The following FSCN1 variants were observed in gnomAD, a reference collection of about 807,000 sequenced individuals.
FSCN1 encodes fascin.
A neutral mutation model predicts 39.7 loss-of-function variants in FSCN1; 10 were observed. That is an observed-to-expected ratio of 0.25 (90% CI 0.16 to 0.43). The LOEUF is 0.43. Ranked by LOEUF, FSCN1 falls within the 20% of genes least tolerant of loss-of-function variation. The pLI, the probability that FSCN1 is intolerant of heterozygous loss-of-function variation, is 1.00. For missense variants in FSCN1, 525 were observed against 723.8 expected, an observed-to-expected ratio of 0.73 and a Z score of 3.15; for synonymous variants, 322 against 320.0, an observed-to-expected ratio of 1.01 and a Z score of -0.07.
chr7:5,604,170 C>T, intron 4 of FSCN1, 140 bp downstream of exon 4: 1 of 728,776 alleles, frequency 1.4e-6, no homozygotes, highest in South Asian at 1.9e-5. Flanking sequence ...GGACAGGTGT[C>T]TGATGGCCAC....
intron 1 of FSCN1, among the ~76,000 whole-genome samples, chr7:5,598,301 C>G (rs902202110): frequency 3.9e-5 from 6 of 152,232 alleles, no homozygotes; most frequent in African/African-American, 1.4e-4. Context: ...ACGCAACAGG[C>G]TGATGGGGAC....
intron 1 of FSCN1, among the ~76,000 whole-genome samples, chr7:5,600,900 T>C (rs1273501670): frequency 1.3e-5 from 2 of 150,972 alleles, no homozygotes; most frequent in Non-Finnish European, 1.5e-5. Flanking sequence ...GTGATCCGCC[T>C]GCCTCGGCCT....
At chr7:5,594,708 C>T (rs1405144513) in intron 1 of FSCN1, 1 of 152,104 alleles carries the variant, frequency 6.6e-6, no homozygotes, top group Non-Finnish European at 1.5e-5. Context: ...CTTCGCCCGC[C>T]GCGCGCGTCT....
intron 1 of FSCN1, among the ~76,000 whole-genome samples, chr7:5,598,374 CCTTT>C (rs1189561776): frequency 6.6e-6 from 1 of 152,198 alleles, no homozygotes; most frequent in Non-Finnish European, 1.5e-5. Context: ...TGGGAAGCTC[CCTTT>C]CTTCTCTGGC....
chr7:5,592,876 G>A lies in FSCN1; in HGVS notation c.-61G>A, dbSNP rs1785657577. ...AGCCGAACAAAGGAGCAGGGGCGCC[G>A]CCGCAGGGACCCGCCACCCACCTCC... On this transcript the variant is annotated 5_prime_UTR_variant, in exon 1 of 5. Transcript: ENST00000382361. This position sits in a 1 kb window ranked among gnomAD's most constrained non-coding sequence, Gnocchi z 5.3. 8.4e-6 allele frequency: 9 copies of A among 1,071,692 alleles called. No individual in the cohort carries two copies. The highest frequency in any genetic ancestry group is 1.7e-5 in the South Asian group (1 of 59,946). 66.4% of individuals were successfully genotyped at this position (1,071,692 alleles called of 1,614,324 possible). A position where few individuals can be genotyped will look rare whatever the true frequency, so the allele number is the denominator to read the frequency against.
At position 5,603,806 on chromosome 7, in the gene FSCN1, C is replaced by A. The variant is rs1785878476; in HGVS notation, c.1112-57C>A. The A allele has an allele frequency of 6.4e-7, 1 of 1,563,276 alleles. No individual in the cohort carries two copies. Among genetic ancestry groups the A allele is most frequent in the Non-Finnish European group, 8.8e-7 (1 of 1,142,510 alleles). ...CCTGGCCCTCCCTCTCTGGTCACCC[C>A]AGCCTCCACCCCACTCCCTGCCAGG... On this transcript the variant is annotated intron_variant, in intron 3 of 4. Transcript: ENST00000382361. This position sits in a 1 kb window ranked among gnomAD's most constrained non-coding sequence, Gnocchi z 8.5.
chr7:5,593,906 A>C (rs1785679872), intron 1 of FSCN1, 138 bp downstream of exon 1: 1 of 632,718 alleles, frequency 1.6e-6, no homozygotes, highest in Non-Finnish European at 2.6e-6. Flanking sequence ...CCCGCTAGGC[A>C]CGCGGGCTAC....
In FSCN1 at chr7:5,605,473, A is replaced by G; in HGVS notation, c.1481A>G (p.Ter494TrpextTer99). ...GACCCCGCCTCGCTCTGGGAGTACT[A>G]GGGCCGGCCCGTCCTTCCCCGCCCC... ...TVDPASLWEY[*>W] The change falls in exon 5 of 5, where the codon TAG becomes TGG. Residue 494 changes from the stop codon to tryptophan, a stop_lost. Transcript: ENST00000382361. This position sits in a 1 kb window ranked among gnomAD's most constrained non-coding sequence, Gnocchi z 6.9. 1 of 1,559,578 alleles carries G rather than the reference A, an allele frequency of 6.4e-7. No homozygotes were observed. The highest frequency in any genetic ancestry group is 1.9e-5 in the Admixed American group (1 of 52,572).
rs1287182245 is a variant in FSCN1 at position 5,599,834 on chromosome 7, T to A, written c.833-3423T>A. On this transcript the variant is annotated intron_variant, in intron 1 of 4. Coordinates refer to ENST00000382361, the MANE Select transcript of FSCN1 (RefSeq NM_003088.4). This position sits in a 1 kb window ranked among gnomAD's most constrained non-coding sequence, Gnocchi z 5.6. ...AAAAAAAAATGGAATTGAGGATGTGTCCTCTGGGTGTGGGCTCTACCACCC... is the reference window on the plus strand; with the variant it reads ...AAAAAAAAATGGAATTGAGGATGTGACCTCTGGGTGTGGGCTCTACCACCC... 6.6e-6 allele frequency among the ~76,000 whole-genome samples: 1 copy of A among 151,762 alleles called. No homozygotes were observed. Among genetic ancestry groups the A allele is most frequent in the Non-Finnish European group, 1.5e-5 (1 of 67,920 alleles).
In FSCN1 at chr7:5,592,851, A is replaced by C. The variant is rs1158177919; in HGVS notation, c.-86A>C. Reference sequence around the variant, plus strand: ...GCGGAGGGTGCGTGCGGGCCGCGGCAGCCGAACAAAGGAGCAGGGGCGCCG... The same window carrying C: ...GCGGAGGGTGCGTGCGGGCCGCGGCCGCCGAACAAAGGAGCAGGGGCGCCG... On this transcript the variant is annotated 5_prime_UTR_variant, in exon 1 of 5. Transcript: ENST00000382361. This position sits in a 1 kb window ranked among gnomAD's most constrained non-coding sequence, Gnocchi z 5.3. The C allele has an allele frequency of 7.9e-6, 6 of 761,658 alleles. No individual in the cohort carries two copies. The highest frequency in any genetic ancestry group is 3.2e-5 in the Admixed American group (1 of 31,428). 47.2% of individuals were successfully genotyped at this position (761,658 alleles called of 1,614,324 possible). A position where few individuals can be genotyped will look rare whatever the true frequency, so the allele number is the denominator to read the frequency against.
chr7:5,599,263 G>T lies in FSCN1; in HGVS notation c.833-3994G>T, dbSNP rs1358031479. ...GGCTTAAGGGGCCCCAGGGAACCTG[G>T]GGGGTGGAGCCCAAGGGGTTCCAAG... is the stretch of plus-strand genomic sequence containing the variant. On this transcript the variant is annotated intron_variant, in intron 1 of 4. Coordinates refer to ENST00000382361, the MANE Select transcript of FSCN1 (RefSeq NM_003088.4). This position sits in a 1 kb window ranked among gnomAD's most constrained non-coding sequence, Gnocchi z 5.6. Among the ~76,000 whole-genome samples, 1 of 152,128 alleles carries T rather than the reference G, an allele frequency of 6.6e-6. No individual in the cohort carries two copies. The highest frequency in any genetic ancestry group is 2.4e-5 in the African/African-American group (1 of 41,436).
In FSCN1 at chr7:5,603,528, G is replaced by A. The variant is rs377275041; in HGVS notation, c.1022G>A (p.Arg341His). 49 of 1,614,020 alleles carry A rather than the reference G, an allele frequency of 3.0e-5. No individual in the cohort carries two copies. The highest frequency in any genetic ancestry group is 2.7e-5 in the African/African-American group (2 of 74,942). Residue 341 changes from arginine (R) to histidine (H), a missense_variant, in exon 3 of 5, where the codon CGT becomes CAT. Around this residue, in one of 3 missense-constraint regions of FSCN1, gnomAD observed 275 missense variants for 351.9 expected, o/e 0.78. Coordinates refer to ENST00000382361, the MANE Select transcript of FSCN1 (RefSeq NM_003088.4). This position sits in a 1 kb window ranked among gnomAD's most constrained non-coding sequence, Gnocchi z 8.5. ...NASCYFDIEW[R>H]DRRITLRASN... ...AGCTGCTACTTTGACATCGAGTGGC[G>A]TGACCGGCGCATCACACTGAGGGCG...
intron 1 of FSCN1, chr7:5,602,827 C>G (rs1785858829): frequency 5.2e-6 from 1 of 191,776 alleles, no homozygotes; most frequent in African/African-American, 2.4e-5. Context: ...TCCCAAGTAG[C>G]TGGGACCACA....
At position 5,603,612 on chromosome 7, in the gene FSCN1, C is replaced by T. The variant is rs1427359643; in HGVS notation, c.1106C>T (p.Thr369Ile). ...GGGCAGCTGGCCGCCTCGGTGGAGA[C>T]AGCAGGTAACACTAAAGCCCCAGTT... ...KNGQLAASVE[T>I]AGDSELFLMK... The change falls in exon 3 of 5, where the codon ACA (threonine) becomes ATA (isoleucine). Residue 369 changes from threonine (T) to isoleucine (I), a missense_variant. By Grantham distance (89) the Thr-to-Ile change is moderately conservative (BLOSUM62 -1). Transcript: ENST00000382361. This position sits in a 1 kb window ranked among gnomAD's most constrained non-coding sequence, Gnocchi z 8.5. The T allele has an allele frequency of 3.7e-6, 6 of 1,614,068 alleles. No homozygotes were observed. The East Asian group carries it at 1.3e-4, about 36-fold the overall frequency.
In FSCN1 at chr7:5,605,634, A is replaced by G. The variant is rs1346476145; in HGVS notation, c.*160A>G. On this transcript the variant is annotated 3_prime_UTR_variant, in exon 5 of 5. Coordinates refer to ENST00000382361, the MANE Select transcript of FSCN1 (RefSeq NM_003088.4). The surrounding 1 kb of genome is among the most constrained non-coding windows in gnomAD (Gnocchi z 6.9). ...AACGGTGCCCCCACCTGTCGCCCCTATGGACTCCCCACTCTCCCCTCCGCC... is the reference window on the plus strand; with the variant it reads ...AACGGTGCCCCCACCTGTCGCCCCTGTGGACTCCCCACTCTCCCCTCCGCC... 4 of 613,552 alleles carry G rather than the reference A, an allele frequency of 6.5e-6. No homozygotes were observed. Among genetic ancestry groups the G allele is most frequent in the African/African-American group, 1.9e-5 (1 of 53,952 alleles). 38.0% of individuals were successfully genotyped at this position (613,552 alleles called of 1,614,324 possible). A position where few individuals can be genotyped will look rare whatever the true frequency, so the allele number is the denominator to read the frequency against.
chr7:5,597,261 C>G (rs759320013), intron 1 of FSCN1, among the ~76,000 whole-genome samples: 10 of 152,206 alleles, frequency 6.6e-5, no homozygotes, highest in Non-Finnish European at 1.3e-4. Context: ...CCCAGCTACT[C>G]AGGAGGCTTA....
chr7:5,603,550 G>A lies in FSCN1; in HGVS notation c.1044G>A (p.Arg348=), dbSNP rs766746574. Residue 348 remains arginine (R), a synonymous_variant, in exon 3 of 5, where the codon AGG becomes AGA. Coordinates refer to ENST00000382361, the MANE Select transcript of FSCN1 (RefSeq NM_003088.4). This position sits in a 1 kb window ranked among gnomAD's most constrained non-coding sequence, Gnocchi z 8.5. The part of the protein sequence containing the change: ...IEWRDRRITL[R]ASNGKFVTSK... The stretch of plus-strand genomic sequence containing the variant: ...GGCGTGACCGGCGCATCACACTGAG[G>A]GCGTCCAATGGCAAGTTTGTGACCT... 12 of 1,613,994 alleles carry A rather than the reference G, an allele frequency of 7.4e-6. No homozygotes were observed. The highest frequency in any genetic ancestry group is 1.1e-5 in the South Asian group (1 of 91,086).
chr7:5,593,434 C>T lies in FSCN1; in HGVS notation c.498C>T (p.Asp166=). ...SARPADEIAV[D]RDVPWGVDSL... ...GGCCGGCCGACGAGATCGCCGTGGA[C>T]CGCGACGTGCCCTGGGGCGTCGACT... The change falls in exon 1 of 5, where the codon GAC becomes GAT. Residue 166 remains aspartate, a synonymous_variant. Coordinates refer to ENST00000382361, the MANE Select transcript of FSCN1 (RefSeq NM_003088.4). 3 of 1,612,084 alleles carry T rather than the reference C, an allele frequency of 1.9e-6. No homozygotes were observed. The highest frequency in any genetic ancestry group is 2.5e-6 in the Non-Finnish European group (3 of 1,179,752).
At chr7:5,594,610 C>G (rs1421377427) in intron 1 of FSCN1, 2 of 152,064 alleles carry the variant, frequency 1.3e-5, no homozygotes, top group South Asian at 2.1e-4. Context: ...GGGCTCGGGT[C>G]CCGAGGTTCC....
Sources: gnomAD v4.1 joint callset for allele counts (sites outside exome capture counted in the v4.1 genomes callset) on GRCh38, gnomAD v4.1.1 for gene constraint, gnomAD v4.1.1 regional missense constraint, Gnocchi (gnomAD v3.1) non-coding constraint, MANE v1.5 for transcripts, NCBI Gene and HGNC (gene_info 2026-07-23, HGNC 2026-07-21) for gene names.